Variants in TLN2 observed in about 807,000 individuals in gnomAD.
TLN2 encodes talin 2.
Under a neutral mutation model 294.7 loss-of-function variants are expected in TLN2, and 118 were observed. The ratio of observed to expected loss-of-function variants is 0.40; its 90% CI spans 0.34 to 0.47. The LOEUF (loss-of-function observed/expected upper bound fraction) is 0.47, where lower values mean the gene tolerates loss of function less well. Ranked by LOEUF, TLN2 falls within the 20% of genes least tolerant of loss-of-function variation. The probability of loss-of-function intolerance (pLI) is 0.84; values close to 1 mark genes in which losing one functional copy is unlikely to be tolerated. For missense variants in TLN2, 3,083 were observed against 3,282.2 expected (o/e 0.94, Z 1.48); for synonymous variants, 1,431 against 1,304.5 (o/e 1.10, Z -2.09).
chr15:62,418,045 G>A (rs2034184612), intron 1 of TLN2, among the ~76,000 whole-genome samples: 1 of 152,228 alleles, frequency 6.6e-6, no homozygotes, highest in Non-Finnish European at 1.5e-5. Context: ...AGGTGAGGAA[G>A]GAAGGGTCTC....
intron 1 of TLN2, among the ~76,000 whole-genome samples, chr15:62,522,941 TACACAC>T (rs71129007): frequency 0.012 from 1,572 of 133,152 alleles, 6 homozygotes; most frequent in Non-Finnish European, 0.016. Flanking sequence ...GAATGTGGCT[TACACAC>T]ACACACACAC....
chr15:62,552,693 C>T (rs1271988591), intron 1 of TLN2, among the ~76,000 whole-genome samples: 2 of 152,220 alleles, frequency 1.3e-5, no homozygotes, highest in African/African-American at 4.8e-5. Context: ...TGCATTCATA[C>T]ATGAGTCACA....
chr15:62,429,769 C>T (rs2034915902), intron 1 of TLN2, among the ~76,000 whole-genome samples: 1 of 152,176 alleles, frequency 6.6e-6, no homozygotes, highest in African/African-American at 2.4e-5. Context: ...CAGAAACTTT[C>T]TAGAAGCAAA....
At chr15:62,481,864 T>A (rs939481987) in intron 1 of TLN2, among the ~76,000 whole-genome samples, 2 of 148,460 alleles carry the variant, frequency 1.3e-5, no homozygotes, top group East Asian at 4.0e-4. Flanking sequence ...TGGCGTGATC[T>A]CAGCTCATTG....
At chr15:62,595,884 CAGTGCTGGGG>C (rs1362737432) in intron 2 of TLN2, among the ~76,000 whole-genome samples, 1 of 152,082 alleles carries the variant, frequency 6.6e-6, no homozygotes, top group Non-Finnish European at 1.5e-5. Flanking sequence ...AGGTGGTTAC[CAGTGCTGGGG>C]AGATGTTGTT....
At position 62,541,865 on chromosome 15, in the gene TLN2, G is replaced by A. The variant is rs959445471; in HGVS notation, c.-237-47822G>A. Among the ~76,000 whole-genome samples the A allele has an allele frequency of 4.0e-5, 6 of 151,604 alleles. 1 individual carries two copies. Among genetic ancestry groups the A allele is most frequent in the Admixed American group, 4.0e-4 (6 of 15,174 alleles). ...TTGTTTTCATTTTGGATGGGCCCTC[G>A]ACTATCAGTGACTGTCAGCCTTTTT... On this transcript the variant is annotated intron_variant, in intron 1 of 58. Coordinates refer to ENST00000636159, the MANE Select transcript of TLN2 (RefSeq NM_015059.3).
At chr15:62,444,601 C>T (rs1171541531) in intron 1 of TLN2, among the ~76,000 whole-genome samples, 1 of 152,230 alleles carries the variant, frequency 6.6e-6, no homozygotes, top group African/African-American at 2.4e-5. Flanking sequence ...CTGGTGCTGT[C>T]AGTGGTTCTT....
chr15:62,613,831 T>C (rs557376654), intron 2 of TLN2, among the ~76,000 whole-genome samples: 2 of 147,228 alleles, frequency 1.4e-5, no homozygotes, highest in South Asian at 2.2e-4. Flanking sequence ...AAAATAATTA[T>C]GCTAAGTAAT....
chr15:62,513,193 T>C (rs1595983142), intron 1 of TLN2, among the ~76,000 whole-genome samples: 1 of 152,158 alleles, frequency 6.6e-6, no homozygotes, highest in Non-Finnish European at 1.5e-5. Flanking sequence ...CCTCCATCTC[T>C]CCCGACATGG....
chr15:62,509,680 C>G (rs2039829319), intron 1 of TLN2, among the ~76,000 whole-genome samples: 1 of 152,210 alleles, frequency 6.6e-6, no homozygotes, highest in South Asian at 2.1e-4. Context: ...CACACAGAAC[C>G]AGGGAGGAGA....
Position 62,677,838 on chromosome 15 carries a change from C to T in TLN2, c.957+2517C>T, listed in dbSNP as rs1217589578. 7.7e-5 allele frequency among the ~76,000 whole-genome samples: 3 copies of T among 39,056 alleles called. No homozygotes were observed. In the East Asian group the frequency reaches 3.4e-3, roughly 44 times the overall value. The allele number at this position is 39,056 out of a possible 152,430, so 25.6% of individuals were successfully genotyped here. A position where few individuals can be genotyped will look rare whatever the true frequency, so the allele number is the denominator to read the frequency against. On this transcript the variant is annotated intron_variant, in intron 11 of 58. Transcript: ENST00000636159. ...TTTTTTTTTGAGACGGAGATTCACC[C>T]AGGCTAGAGAGCAATGGCACGATCT...
At chr15:62,433,268 G>T (rs567897883) in intron 1 of TLN2, among the ~76,000 whole-genome samples, 24 of 152,248 alleles carry the variant, frequency 1.6e-4, no homozygotes, top group African/African-American at 5.5e-4. Flanking sequence ...TGACACAGAA[G>T]CCTGAGGGTT....
At chr15:62,754,049 T>C (rs973714909) in intron 36 of TLN2, 133 bp downstream of exon 36, 24 of 1,234,842 alleles carry the variant, frequency 1.9e-5, no homozygotes, top group Non-Finnish European at 2.3e-5. Flanking sequence ...GCCAGCATTG[T>C]AGATAATGAC....
intron 9 of TLN2, among the ~76,000 whole-genome samples, chr15:62,666,616 T>C (rs1015199083): frequency 1.3e-5 from 2 of 152,238 alleles, no homozygotes; most frequent in Admixed American, 6.5e-5. Context: ...TGGTATTCTT[T>C]TGCAGCAACA....
chr15:62,805,720 G>A lies in TLN2; in HGVS notation c.6598G>A (p.Glu2200Lys). Residue 2200 changes from glutamate to lysine, a missense_variant, in exon 51 of 59, where the codon GAG becomes AAG. Transcript: ENST00000636159. ...AVAAGNSCRQ[E>K]DVIATANLSR... ...GGCAGCTGGGAACTCATGTAGACAG[G>A]AGGACGTGATTGCTACTGCCAACCT... 6.2e-7 allele frequency: 1 copy of A among 1,614,196 alleles called. No homozygotes were observed. Among genetic ancestry groups the A allele is most frequent in the Non-Finnish European group, 8.5e-7 (1 of 1,180,040 alleles).
intron 44 of TLN2, among the ~76,000 whole-genome samples, 188 bp from the exon 45 acceptor site, chr15:62,783,583 A>G (rs549364328): frequency 1.3e-5 from 2 of 152,350 alleles, no homozygotes; most frequent in East Asian, 3.9e-4. Context: ...GCAATGCAGC[A>G]TGGGCTTGGC....
intron 1 of TLN2, among the ~76,000 whole-genome samples, chr15:62,571,579 T>C (rs929623434): frequency 5.9e-5 from 9 of 152,222 alleles, no homozygotes; most frequent in African/African-American, 2.2e-4. Flanking sequence ...TTTACCTTCA[T>C]GTGTTGCCTC....
At chr15:62,751,988 A>G (rs2061966506) in intron 34 of TLN2, among the ~76,000 whole-genome samples, 1 of 152,322 alleles carries the variant, frequency 6.6e-6, no homozygotes, top group Admixed American at 6.5e-5. Context: ...TGATTTTTAT[A>G]TTCTGGGAAC....
intron 1 of TLN2, among the ~76,000 whole-genome samples, chr15:62,576,676 C>CG (rs1177688546): frequency 2.1e-5 from 3 of 144,384 alleles, no homozygotes; most frequent in African/African-American, 5.1e-5. Context: ...CCCCGCCCCC[C>CG]ACATAAAAGA....
Sources: allele counts gnomAD v4.1 joint callset (sites outside exome capture counted in the v4.1 genomes callset), GRCh38; gene constraint gnomAD v4.1.1; transcripts MANE v1.5; gene names NCBI Gene and HGNC (gene_info 2026-07-23, HGNC 2026-07-21).